Variants in TMC1 observed in about 807,000 individuals in gnomAD.
TMC1 encodes the protein transmembrane channel like 1.
In TMC1, 84 loss-of-function variants were observed where a neutral mutation model predicts 105.8. The observed-to-expected ratio is 0.79, with a 90% confidence interval of 0.67 to 0.95. The LOEUF is 0.95. Among genes scored for constraint, TMC1 ranks in the 40% least tolerant of loss-of-function variants. The pLI, the probability that TMC1 is intolerant of heterozygous loss-of-function variation, is 0.00. For synonymous variants in TMC1, 315 were observed against 311.5 expected, an observed-to-expected ratio of 1.01 and a Z score of -0.12; for missense variants, 817 against 914.1, an observed-to-expected ratio of 0.89 and a Z score of 1.37.
chr9:72,626,008 AG>A (rs931282252), intron 3 of TMC1, among the ~76,000 whole-genome samples: 1 of 152,176 alleles, frequency 6.6e-6, no homozygotes, highest in Non-Finnish European at 1.5e-5. Flanking sequence ...TCATGTAAGG[AG>A]TGTGGCTACC....
At chr9:72,600,042 G>A (rs899030882) in intron 2 of TMC1, among the ~76,000 whole-genome samples, 1 of 152,150 alleles carries the variant, frequency 6.6e-6, no homozygotes, top group Non-Finnish European at 1.5e-5. Flanking sequence ...TGGAGGTTGT[G>A]TAATTGTAGG....
intron 1 of TMC1, among the ~76,000 whole-genome samples, chr9:72,562,311 T>C (rs915456793): frequency 4.6e-5 from 7 of 152,230 alleles, no homozygotes; most frequent in Non-Finnish European, 7.3e-5. Context: ...CCTTTGTACG[T>C]AAAACATCCT....
At chr9:72,591,412 G>A (rs547817578) in intron 2 of TMC1, among the ~76,000 whole-genome samples, 1 of 152,274 alleles carries the variant, frequency 6.6e-6, no homozygotes, top group South Asian at 2.1e-4. Flanking sequence ...TGTCAGGATT[G>A]AGATTCACTG....
At chr9:72,661,091 G>A (rs1825963612) in intron 5 of TMC1, among the ~76,000 whole-genome samples, 2 of 152,086 alleles carry the variant, frequency 1.3e-5, no homozygotes, top group Non-Finnish European at 2.9e-5. Flanking sequence ...GGCAGAGGTT[G>A]CAGTGAGCCA....
At chr9:72,727,873 C>CA (rs1175276698) in intron 8 of TMC1, among the ~76,000 whole-genome samples, 1 of 151,620 alleles carries the variant, frequency 6.6e-6, no homozygotes, top group African/African-American at 2.4e-5. Context: ...AAACAAAGGA[C>CA]AAAAAAATAA....
chr9:72,641,607 C>T (rs959406564), intron 4 of TMC1, among the ~76,000 whole-genome samples: 1 of 152,142 alleles, frequency 6.6e-6, no homozygotes, highest in Non-Finnish European at 1.5e-5. Flanking sequence ...GTCAATGAAG[C>T]ACAGGATCCT....
At chr9:72,715,589 C>T (rs944577747) in intron 8 of TMC1, among the ~76,000 whole-genome samples, 11 of 151,960 alleles carry the variant, frequency 7.2e-5, no homozygotes, top group African/African-American at 1.9e-4. Context: ...ATGAAGTTCT[C>T]GTGCTGTGTT....
chr9:72,686,217 A>G (rs1055949408), intron 5 of TMC1, among the ~76,000 whole-genome samples: 5 of 151,388 alleles, frequency 3.3e-5, no homozygotes, highest in African/African-American at 1.2e-4. Flanking sequence ...TCCTCCCATC[A>G]CTCTCCAGGA....
chr9:72,599,257 C>G (rs1264622323), intron 2 of TMC1, among the ~76,000 whole-genome samples: 2 of 152,174 alleles, frequency 1.3e-5, no homozygotes, highest in Non-Finnish European at 2.9e-5. Context: ...TCTCAAACTC[C>G]TGGCCTCAGG....
chr9:72,635,890 T>A (rs999099673), intron 4 of TMC1, among the ~76,000 whole-genome samples: 9 of 152,180 alleles, frequency 5.9e-5, no homozygotes, highest in Non-Finnish European at 8.8e-5. Context: ...GATAAATTCA[T>A]CACCTAAGGA....
At chr9:72,543,410 C>T (rs538696040) in intron 1 of TMC1, among the ~76,000 whole-genome samples, 1 of 152,292 alleles carries the variant, frequency 6.6e-6, no homozygotes, top group Non-Finnish European at 1.5e-5. Flanking sequence ...TTGGAATAAC[C>T]TTCTTATTGG....
At chr9:72,602,366 ATTTTTTTTTTTTTTT>A (rs66682329) in intron 2 of TMC1, among the ~76,000 whole-genome samples, 1 of 86,552 alleles carries the variant, frequency 1.2e-5, no homozygotes, top group Non-Finnish European at 2.1e-5. Flanking sequence ...CCTATTGGTG[ATTTTTTTTTTTTTTT>A]TTTTTTTTTT....
intron 5 of TMC1, among the ~76,000 whole-genome samples, chr9:72,685,110 T>TC (rs1826355953): frequency 7.1e-6 from 1 of 141,750 alleles, no homozygotes; most frequent in Non-Finnish European, 1.5e-5. Flanking sequence ...CTTTTTTTTT[T>TC]TTTTTTTTTT....
chr9:72,676,185 GAGTT>G, intron 5 of TMC1, among the ~76,000 whole-genome samples: 1 of 152,144 alleles, frequency 6.6e-6, no homozygotes, highest in East Asian at 1.9e-4. Flanking sequence ...AGTATCAAGA[GAGTT>G]AATAAATACC....
chr9:72,754,408 T>G (rs1016325723), intron 11 of TMC1, among the ~76,000 whole-genome samples: 3 of 152,170 alleles, frequency 2.0e-5, no homozygotes, highest in Non-Finnish European at 4.4e-5. Context: ...AGGGGTATTC[T>G]CTTATGAAAG....
intron 6 of TMC1, among the ~76,000 whole-genome samples, chr9:72,690,440 T>C (rs1262824091): frequency 6.6e-6 from 1 of 152,134 alleles, no homozygotes; most frequent in Non-Finnish European, 1.5e-5. Flanking sequence ...TATATTTTCA[T>C]GTGATTTTGT....
intron 7 of TMC1, among the ~76,000 whole-genome samples, chr9:72,695,993 T>G (rs1378082944): frequency 6.6e-6 from 1 of 152,230 alleles, no homozygotes; most frequent in Non-Finnish European, 1.5e-5. Context: ...TATTATGTAG[T>G]AATAGTTCCT....
At chr9:72,547,479 G>A (rs944033212) in intron 1 of TMC1, among the ~76,000 whole-genome samples, 4 of 152,074 alleles carry the variant, frequency 2.6e-5, no homozygotes, top group Non-Finnish European at 4.4e-5. Context: ...GTCAGTCTTG[G>A]CCATAGTTTC....
At chr9:72,728,356 T>TGATA (rs1827156782) in intron 8 of TMC1, among the ~76,000 whole-genome samples, 1 of 152,200 alleles carries the variant, frequency 6.6e-6, no homozygotes, top group African/African-American at 2.4e-5. Context: ...CTCTCTTGAC[T>TGATA]GATAAGTCTG....
Sources: allele counts gnomAD v4.1 joint callset (sites outside exome capture counted in the v4.1 genomes callset), GRCh38; gene constraint gnomAD v4.1.1; transcripts MANE v1.5; gene names NCBI Gene and HGNC (gene_info 2026-07-23, HGNC 2026-07-21).